SKAP2: variants seen among roughly 807,000 people sequenced by gnomAD.
SKAP2 encodes the protein src kinase-associated phosphoprotein 2.
SKAP2 carries 28 observed loss-of-function variants against 54.9 expected under a neutral mutation model. The ratio of observed to expected loss-of-function variants is 0.51; its 90% CI spans 0.38 to 0.70. The LOEUF is 0.70. Among genes scored for constraint, SKAP2 ranks in the 30% least tolerant of loss-of-function variants. The pLI is 0.00. For synonymous variants in SKAP2, 137 were observed against 134.3 expected, an observed-to-expected ratio of 1.02 and a Z score of -0.14; for missense variants, 356 against 424.1, an observed-to-expected ratio of 0.84 and a Z score of 1.41.
chr7:26,663,187 A>G (rs1786044978), downstream of SKAP2, among the ~76,000 whole-genome samples: 1 of 152,074 alleles, frequency 6.6e-6, no homozygotes, highest in Non-Finnish European at 1.5e-5. Context: ...TGAAAATAGA[A>G]CTTTGGTACA....
chr7:26,858,598 T>G (rs1188513667), intron 1 of SKAP2, among the ~76,000 whole-genome samples: 3 of 152,032 alleles, frequency 2.0e-5, no homozygotes, highest in Non-Finnish European at 4.4e-5. Flanking sequence ...TACTCCAATC[T>G]TCCTTTTTCC....
intron 11 of SKAP2, among the ~76,000 whole-genome samples, chr7:26,676,241 T>C (rs1358039443): frequency 6.6e-6 from 1 of 152,184 alleles, no homozygotes; most frequent in Non-Finnish European, 1.5e-5. Context: ...CTTATGCACT[T>C]ATTTATGTAA....
At chr7:26,841,651 G>A (rs1784818256) in intron 4 of SKAP2, among the ~76,000 whole-genome samples, 1 of 152,044 alleles carries the variant, frequency 6.6e-6, no homozygotes, top group African/African-American at 2.4e-5. Flanking sequence ...TGGGAACTGA[G>A]TGAACTTTTG....
chr7:26,835,293 A>G (rs934593734), intron 4 of SKAP2, among the ~76,000 whole-genome samples: 3 of 152,138 alleles, frequency 2.0e-5, no homozygotes, highest in Non-Finnish European at 4.4e-5. Context: ...GCACAAGACA[A>G]GGATGCCCTC....
At chr7:26,860,407 T>C (rs1471005845) in intron 1 of SKAP2, among the ~76,000 whole-genome samples, 2 of 152,170 alleles carry the variant, frequency 1.3e-5, no homozygotes, top group African/African-American at 4.8e-5. Context: ...AAAGAATATC[T>C]TGGAGGTACG....
At chr7:26,682,338 C>T (rs530983840) in intron 11 of SKAP2, among the ~76,000 whole-genome samples, 1 of 152,260 alleles carries the variant, frequency 6.6e-6, no homozygotes, top group Non-Finnish European at 1.5e-5. Context: ...CAAACATATA[C>T]TCAACCCAAA....
chr7:26,799,849 T>C (rs2127984272), intron 4 of SKAP2, among the ~76,000 whole-genome samples: 1 of 152,172 alleles, frequency 6.6e-6, no homozygotes, highest in South Asian at 2.1e-4. Context: ...AAACAGGCGG[T>C]GGCTCACGCC....
chr7:26,818,128 A>C (rs747442079), intron 4 of SKAP2, among the ~76,000 whole-genome samples: 1 of 152,228 alleles, frequency 6.6e-6, no homozygotes, highest in Non-Finnish European at 1.5e-5. Context: ...CCGTATAGCC[A>C]AGATGACCCT....
intron 6 of SKAP2, among the ~76,000 whole-genome samples, chr7:26,731,788 A>AT (rs935468257): frequency 2.0e-5 from 3 of 152,058 alleles, no homozygotes; most frequent in Non-Finnish European, 2.9e-5. Context: ...ACTGGGCACC[A>AT]TTTTTTATTT....
At chr7:26,786,509 A>T (rs1027236730) in intron 4 of SKAP2, among the ~76,000 whole-genome samples, 5 of 152,154 alleles carry the variant, frequency 3.3e-5, no homozygotes, top group Admixed American at 2.0e-4. Context: ...AGCTGAACTG[A>T]GGAATATAAA....
chr7:26,768,520 G>C (rs1193268605), intron 4 of SKAP2, among the ~76,000 whole-genome samples: 2 of 152,020 alleles, frequency 1.3e-5, no homozygotes, highest in Non-Finnish European at 2.9e-5. Flanking sequence ...TGGTTATTTT[G>C]CCCATTAGTT....
downstream of SKAP2, among the ~76,000 whole-genome samples, chr7:26,666,432 T>C (rs1437012397): frequency 6.6e-6 from 1 of 152,098 alleles, no homozygotes; most frequent in Non-Finnish European, 1.5e-5. Context: ...AGAAATTACA[T>C]GAAATTATAT....
chr7:26,670,229 T>A (rs1442468085), intron 11 of SKAP2, 37 bp from the exon 12 acceptor site: 2 of 925,234 alleles, frequency 2.2e-6, no homozygotes. Flanking sequence ...ACCTTTAGAC[T>A]GGTGTAAGTA....
intron 4 of SKAP2, among the ~76,000 whole-genome samples, chr7:26,769,449 A>G (rs1246773396): frequency 6.6e-6 from 1 of 152,066 alleles, no homozygotes; most frequent in Non-Finnish European, 1.5e-5. Flanking sequence ...TCTGAAGCCT[A>G]TTTCTGTCAA....
intron 4 of SKAP2, among the ~76,000 whole-genome samples, chr7:26,764,670 G>A (rs191367348): frequency 6.6e-6 from 1 of 151,666 alleles, no homozygotes; most frequent in East Asian, 1.9e-4. Context: ...AGGTATCCAT[G>A]TGCCATGGTG....
chr7:26,741,576 A>AAATT (rs1241669154), intron 4 of SKAP2, among the ~76,000 whole-genome samples: 33 of 19,982 alleles, frequency 1.7e-3, no homozygotes, highest in Non-Finnish European at 3.4e-3. Context: ...ATAAATAAAT[A>AAATT]AATTAATAAA....
chr7:26,714,122 A>C (rs1284435116), intron 9 of SKAP2, among the ~76,000 whole-genome samples: 2 of 152,168 alleles, frequency 1.3e-5, no homozygotes, highest in African/African-American at 4.8e-5. Flanking sequence ...ATAAAGAGTA[A>C]GCAGGTGAAG....
In SKAP2 at chr7:26,854,813, T is replaced by G. The variant is rs151047705; in HGVS notation, c.145A>C (p.Ile49Leu). ...KKAKEKRESL[I>L]KKIKDVKSIY... is the part of the protein sequence containing the mutation. ...GACTTTACATCTTTTATCTTCTTAA[T>G]AAGGGATTCTCTCTTTTCCTTTGCT... The change falls in exon 2 of 13, where the codon ATT (isoleucine) becomes CTT (leucine). Residue 49 changes from isoleucine (I) to leucine (L), a missense_variant. Coordinates refer to ENST00000345317, the MANE Select transcript of SKAP2 (RefSeq NM_003930.5). 3.1e-6 allele frequency: 5 copies of G among 1,601,630 alleles called. No individual in the cohort carries two copies. The highest frequency in any genetic ancestry group is 4.3e-6 in the Non-Finnish European group (5 of 1,171,850).
chr7:26,705,609 C>G (rs1297026167), intron 9 of SKAP2, among the ~76,000 whole-genome samples: 1 of 152,082 alleles, frequency 6.6e-6, no homozygotes, highest in Non-Finnish European at 1.5e-5. Flanking sequence ...TCATATGACC[C>G]TTTACTTAGC....
Sources: allele counts gnomAD v4.1 joint callset (sites outside exome capture counted in the v4.1 genomes callset), GRCh38; gene constraint gnomAD v4.1.1; transcripts MANE v1.5; gene names NCBI Gene and HGNC (gene_info 2026-07-23, HGNC 2026-07-21).